Variants in SLC16A10 observed in about 807,000 individuals in gnomAD.
SLC16A10 encodes the protein solute carrier family 16 member 10.
Under a neutral mutation model 40.0 loss-of-function variants are expected in SLC16A10, and 27 were observed. That is an observed-to-expected ratio of 0.67 (90% CI 0.50 to 0.93). The LOEUF (loss-of-function observed/expected upper bound fraction) is 0.93, where lower values mean the gene tolerates loss of function less well. Among genes scored for constraint, SLC16A10 ranks in the 40% least tolerant of loss-of-function variants. The pLI, the probability that SLC16A10 is intolerant of heterozygous loss-of-function variation, is 0.00. For synonymous variants in SLC16A10, 213 were observed against 249.8 expected (o/e 0.85, Z 1.39); for missense variants, 529 against 658.2 (o/e 0.80, Z 2.15).
intron 1 of SLC16A10, among the ~76,000 whole-genome samples, chr6:111,100,634 C>T (rs922811769): frequency 4.6e-5 from 7 of 151,990 alleles, no homozygotes; most frequent in African/African-American, 9.7e-5. Flanking sequence ...TGATCCGCCT[C>T]GGCCTACCAA....
chr6:111,218,644 C>G (rs1314266525), intron 4 of SLC16A10, among the ~76,000 whole-genome samples, 170 bp from the exon 5 acceptor site: 1 of 151,814 alleles, frequency 6.6e-6, no homozygotes, highest in Admixed American at 6.6e-5. Context: ...TAGGGGAACT[C>G]GAAGGAGATG....
intron 1 of SLC16A10, among the ~76,000 whole-genome samples, chr6:111,126,401 T>C (rs900883089): frequency 3.9e-5 from 6 of 152,226 alleles, no homozygotes; most frequent in Admixed American, 2.6e-4. Flanking sequence ...CTTCTTCTTA[T>C]AGTTCATGCT....
At chr6:111,200,117 A>G (rs979121909) in intron 3 of SLC16A10, among the ~76,000 whole-genome samples, 2 of 152,198 alleles carry the variant, frequency 1.3e-5, no homozygotes, top group African/African-American at 4.8e-5. Flanking sequence ...CATGCCTCCT[A>G]CAGTCCTGTT....
intron 1 of SLC16A10, among the ~76,000 whole-genome samples, chr6:111,163,191 C>T (rs1415613268): frequency 1.4e-4 from 19 of 133,190 alleles, no homozygotes; most frequent in African/African-American, 4.6e-4. Flanking sequence ...CTCGCTCTGT[C>T]GCCCAGGCTG....
At chr6:111,099,507 G>T (rs2114437016) in intron 1 of SLC16A10, among the ~76,000 whole-genome samples, 1 of 151,936 alleles carries the variant, frequency 6.6e-6, no homozygotes, top group Middle Eastern at 3.4e-3. Flanking sequence ...TAGAGATGGG[G>T]TCTCACCACG....
At chr6:111,099,381 A>G (rs1214185625) in intron 1 of SLC16A10, among the ~76,000 whole-genome samples, 1 of 152,158 alleles carries the variant, frequency 6.6e-6, no homozygotes, top group Non-Finnish European at 1.5e-5. Flanking sequence ...AGGGGTATGA[A>G]CACAGCTCAC....
Position 111,118,674 on chromosome 6 carries a change from C to T in SLC16A10, c.343+30579C>T, listed in dbSNP as rs557262290. ...CCAGCCTGGCAACAGAGTGAGCCTC[C>T]GTCTCAAAAAAAAAAAAAAAAAAAA... is the stretch of plus-strand genomic sequence containing the variant. On this transcript the variant is annotated intron_variant, in intron 1 of 5. Coordinates refer to ENST00000368851, the MANE Select transcript of SLC16A10 (RefSeq NM_018593.5). 6.3e-5 allele frequency among the ~76,000 whole-genome samples: 8 copies of T among 127,150 alleles called. No homozygotes were observed. The South Asian group carries it at 9.9e-4, about 16-fold the overall frequency. 83.4% of individuals were successfully genotyped at this position (127,150 alleles called of 152,430 possible).
At chr6:111,117,746 G>C (rs1048348808) in intron 1 of SLC16A10, among the ~76,000 whole-genome samples, 1 of 152,162 alleles carries the variant, frequency 6.6e-6, no homozygotes, top group Admixed American at 6.5e-5. Context: ...GGTGATGAAT[G>C]GGGAGAGAAT....
intron 3 of SLC16A10, among the ~76,000 whole-genome samples, chr6:111,186,920 G>A (rs1032701078): frequency 3.9e-5 from 6 of 152,138 alleles, no homozygotes; most frequent in African/African-American, 1.4e-4. Context: ...CAAATTGGAG[G>A]TGTATAATTG....
At chr6:111,129,610 A>T (rs1583317858) in intron 1 of SLC16A10, among the ~76,000 whole-genome samples, 1 of 152,220 alleles carries the variant, frequency 6.6e-6, no homozygotes, top group South Asian at 2.1e-4. Flanking sequence ...TAAGTTTTAC[A>T]TTTGTATAAC....
At chr6:111,204,086 T>C (rs1773217189) in intron 3 of SLC16A10, among the ~76,000 whole-genome samples, 3 of 152,082 alleles carry the variant, frequency 2.0e-5, no homozygotes, top group Non-Finnish European at 2.9e-5. Flanking sequence ...GGGAGAGATT[T>C]AGGAGTGAGG....
In SLC16A10 at chr6:111,222,135, C is replaced by T. The variant is rs1770913738; in HGVS notation, c.1448C>T (p.Thr483Ile). 6.2e-7 allele frequency: 1 copy of T among 1,607,770 alleles called. No homozygotes were observed. The highest frequency in any genetic ancestry group is 8.5e-7 in the Non-Finnish European group (1 of 1,178,504). ...AAGAAGCAAAGAGAGATCAGTAAAA[C>T]CACTGGAAAAGAAAAGATGGAGAAA... ...HSKKQREISK[T>I]TGKEKMEKML... The change falls in exon 6 of 6, where the codon ACC becomes ATC. Residue 483 changes from threonine to isoleucine, a missense_variant. Coordinates refer to ENST00000368851, the MANE Select transcript of SLC16A10 (RefSeq NM_018593.5).
chr6:111,097,257 G>C (rs139261831), intron 1 of SLC16A10, among the ~76,000 whole-genome samples: 433 of 152,128 alleles, frequency 2.8e-3, no homozygotes, highest in Non-Finnish European at 5.1e-3. Context: ...GTCATACTCT[G>C]TATTTATCCA....
intron 1 of SLC16A10, among the ~76,000 whole-genome samples, chr6:111,135,384 C>T (rs1430318833): frequency 6.6e-6 from 1 of 152,166 alleles, no homozygotes; most frequent in Non-Finnish European, 1.5e-5. Flanking sequence ...TAAAAGCATG[C>T]AGTAGCCCCT....
intron 1 of SLC16A10, among the ~76,000 whole-genome samples, chr6:111,134,564 A>G (rs910118887): frequency 1.3e-5 from 2 of 152,178 alleles, no homozygotes; most frequent in African/African-American, 4.8e-5. Context: ...GGATAAAAAA[A>G]AAAAGGCCAC....
At chr6:111,193,855 G>T (rs1303096936) in intron 3 of SLC16A10, among the ~76,000 whole-genome samples, 1 of 152,094 alleles carries the variant, frequency 6.6e-6, no homozygotes, top group East Asian at 1.9e-4. Flanking sequence ...TTTTTGTTAG[G>T]CCCTTATATT....
chr6:111,162,842 A>G (rs1275178258), intron 1 of SLC16A10, among the ~76,000 whole-genome samples: 2 of 152,144 alleles, frequency 1.3e-5, no homozygotes, highest in African/African-American at 4.8e-5. Flanking sequence ...AGATTACTTC[A>G]GCTTTCTATT....
At position 111,228,680 on chromosome 6, in the gene SLC16A10, A is replaced by G. The variant is rs1483443309; in HGVS notation, c.*6445A>G. On this transcript the variant is annotated 3_prime_UTR_variant, in exon 6 of 6. Coordinates refer to ENST00000368851, the MANE Select transcript of SLC16A10 (RefSeq NM_018593.5). ...GTGATCTTCCCTAATGAGTCAAAGTATCTTTCATAATTCAGTCTATATTGA... is the reference window on the plus strand; with the variant it reads ...GTGATCTTCCCTAATGAGTCAAAGTGTCTTTCATAATTCAGTCTATATTGA... 1 of 152,198 alleles carries G rather than the reference A, an allele frequency of 6.6e-6. No homozygotes were observed. The highest frequency in any genetic ancestry group is 1.5e-5 in the Non-Finnish European group (1 of 68,034). The allele number at this position is 152,198 out of a possible 1,614,324, so 9.4% of individuals were successfully genotyped here.
chr6:111,089,913 T>G (rs1194985827), intron 1 of SLC16A10, among the ~76,000 whole-genome samples: 3 of 93,458 alleles, frequency 3.2e-5, no homozygotes, highest in South Asian at 4.2e-4. Flanking sequence ...GGTGGGTTTT[T>G]TTTTTTTTTT....
Sources: allele counts gnomAD v4.1 joint callset (sites outside exome capture counted in the v4.1 genomes callset), GRCh38; gene constraint gnomAD v4.1.1; transcripts MANE v1.5; gene names NCBI Gene and HGNC (gene_info 2026-07-23, HGNC 2026-07-21).